The following ROBO2 variants were observed in gnomAD, a reference collection of about 807,000 sequenced individuals.
The protein encoded by ROBO2 is roundabout homolog 2.
A neutral mutation model predicts 160.8 loss-of-function variants in ROBO2; 53 were observed. The ratio of observed to expected loss-of-function variants is 0.33; its 90% CI spans 0.26 to 0.41. The LOEUF is 0.41. Among genes scored for constraint, ROBO2 ranks in the 10% least tolerant of loss-of-function variants. The pLI is 1.00. For missense variants in ROBO2, 1,577 were observed against 1,722.4 expected (o/e 0.92, Z 1.49); for synonymous variants, 664 against 611.7 (o/e 1.09, Z -1.26).
At chr3:76,351,529 T>C (rs1228256174) in intron 2 of ROBO2, among the ~76,000 whole-genome samples, 1 of 151,930 alleles carries the variant, frequency 6.6e-6, no homozygotes, top group African/African-American at 2.4e-5. Flanking sequence ...TGAATATATA[T>C]TTTTTCAACT....
chr3:76,268,861 G>A (rs1428320293), intron 2 of ROBO2, among the ~76,000 whole-genome samples: 1 of 152,100 alleles, frequency 6.6e-6, no homozygotes, highest in Non-Finnish European at 1.5e-5. Flanking sequence ...CTGAAATCAT[G>A]TATTGAGTAT....
chr3:76,620,438 C>A (rs1207057155), intron 2 of ROBO2, among the ~76,000 whole-genome samples: 1 of 151,996 alleles, frequency 6.6e-6, no homozygotes, highest in Non-Finnish European at 1.5e-5. Context: ...ATGGTATGTT[C>A]GAGGATGTAA....
intron 2 of ROBO2, among the ~76,000 whole-genome samples, chr3:76,353,557 G>A (rs1199471774): frequency 1.3e-5 from 2 of 151,838 alleles, no homozygotes; most frequent in Admixed American, 1.3e-4. Context: ...GGCCTGTTTG[G>A]TTCACCTAAG....
Position 77,546,388 on chromosome 3 carries a change from C to T in ROBO2, c.985C>T (p.Arg329Ter). The T allele has an allele frequency of 6.2e-7, 1 of 1,613,082 alleles. No individual in the cohort carries two copies. The highest frequency in any genetic ancestry group is 2.2e-5 in the East Asian group (1 of 44,840). Residue 329 changes from arginine to a stop codon, truncating the protein, a stop_gained, in exon 7 of 26, where the codon CGA (arginine) becomes TGA (stop). Coordinates refer to ENST00000461745, the Ensembl canonical transcript of ROBO2. LOFTEE classifies it high-confidence loss of function. Reference sequence around the variant, plus strand: ...AAGAGATCAGATTGTTGCTCAAGGTCGAACAGTGACATTTCCCTGTGAAAC... The same window carrying T: ...AAGAGATCAGATTGTTGCTCAAGGTTGAACAGTGACATTTCCCTGTGAAAC...
intron 2 of ROBO2, among the ~76,000 whole-genome samples, chr3:76,727,246 C>G (rs935661947): frequency 6.6e-6 from 1 of 152,050 alleles, no homozygotes; most frequent in African/African-American, 2.4e-5. Flanking sequence ...GATCTGGGCT[C>G]CAGTCTTGAG....
intron 2 of ROBO2, among the ~76,000 whole-genome samples, chr3:77,254,103 A>G (rs2090669181): frequency 1.3e-5 from 2 of 152,178 alleles, no homozygotes; most frequent in Non-Finnish European, 2.9e-5. Flanking sequence ...TATCTCTACA[A>G]AAATAAATAA....
chr3:77,618,473 G>T (rs1435481014), intron 22 of ROBO2, among the ~76,000 whole-genome samples: 1 of 151,988 alleles, frequency 6.6e-6, no homozygotes, highest in East Asian at 1.9e-4. Flanking sequence ...GTTTTATACA[G>T]GATTTTTGTT....
In ROBO2 at chr3:76,073,286, T is replaced by C. The variant is rs1392016416; in HGVS notation, c.109+135684T>C. Among the ~76,000 whole-genome samples the C allele has an allele frequency of 2.4e-4, 22 of 90,754 alleles. 1 individual carries two copies. Among genetic ancestry groups the C allele is most frequent in the East Asian group, 1.7e-3 (5 of 3,016 alleles). 59.5% of individuals were successfully genotyped at this position (90,754 alleles called of 152,430 possible). ...AGTATTCTTTTTTTTTTTTTTTTTT[T>C]TTTTTTTTTTTTTTTTTTTTTTTTT... On this transcript the variant is annotated intron_variant, in intron 2 of 26. Coordinates refer to the ROBO2 transcript ENST00000487694.
In ROBO2 at chr3:77,291,310, C is replaced by T. The variant is rs557018362; in HGVS notation, c.389-186104C>T. 5.0e-3 allele frequency among the ~76,000 whole-genome samples: 748 copies of T among 148,888 alleles called. 2 individuals are homozygous for T. Among genetic ancestry groups the T allele is most frequent in the Middle Eastern group, 0.022 (6 of 274 alleles). On this transcript the variant is annotated intron_variant, in intron 2 of 25. Transcript: ENST00000461745. ...ACATAAAGCAAAATTGACGGTTAAC[C>T]GGGAAGGCTGAGGCTAGATCACCCC...
intron 2 of ROBO2, among the ~76,000 whole-genome samples, chr3:76,549,688 G>A (rs976979364): frequency 1.3e-5 from 2 of 152,196 alleles, no homozygotes; most frequent in African/African-American, 4.8e-5. Context: ...CTTAGGGATA[G>A]TGGATTCAGT....
intron 2 of ROBO2, among the ~76,000 whole-genome samples, chr3:76,307,866 T>C (rs1191880018): frequency 6.6e-6 from 1 of 152,156 alleles, no homozygotes; most frequent in African/African-American, 2.4e-5. Flanking sequence ...GAGCATGTTA[T>C]CACTATTTGC....
At chr3:76,705,364 T>C (rs1435515692) in intron 2 of ROBO2, among the ~76,000 whole-genome samples, 1 of 152,134 alleles carries the variant, frequency 6.6e-6, no homozygotes, top group African/African-American at 2.4e-5. Context: ...TTAACAAGAT[T>C]TTAAAAGGAC....
chr3:77,617,965 C>T, intron 22 of ROBO2, 192 bp downstream of exon 23: 2 of 608,872 alleles, frequency 3.3e-6, no homozygotes, highest in South Asian at 4.0e-5. Flanking sequence ...AGAACTAGAA[C>T]TAGAACTAGA....
chr3:77,133,465 GA>G (rs1468324408), intron 2 of ROBO2, among the ~76,000 whole-genome samples: 2 of 152,084 alleles, frequency 1.3e-5, no homozygotes, highest in Non-Finnish European at 2.9e-5. Flanking sequence ...ACCATCAAAA[GA>G]AATCTTGACA....
intron 2 of ROBO2, among the ~76,000 whole-genome samples, chr3:77,316,558 G>A (rs78349474): frequency 0.013 from 1,909 of 152,166 alleles, 40 homozygotes; most frequent in African/African-American, 0.043. Context: ...ACTACTGAAA[G>A]GATCTTTTTT....
intron 15 of ROBO2, among the ~76,000 whole-genome samples, chr3:77,578,832 G>A (rs1050782502): frequency 1.3e-5 from 2 of 151,818 alleles, no homozygotes; most frequent in Non-Finnish European, 2.9e-5. Context: ...GTACCATTTG[G>A]CACTAAATAT....
At chr3:75,928,899 T>TGTGA (rs1947401763) in intron 1 of ROBO2, among the ~76,000 whole-genome samples, 5 of 112,662 alleles carry the variant, frequency 4.4e-5, no homozygotes, top group Admixed American at 2.7e-4. Flanking sequence ...TGTGTGTGTG[T>TGTGA]GTGATAGCTG....
At chr3:76,236,908 A>G (rs1296860840) in intron 2 of ROBO2, among the ~76,000 whole-genome samples, 1 of 152,046 alleles carries the variant, frequency 6.6e-6, no homozygotes, top group Non-Finnish European at 1.5e-5. Context: ...CCCCTAGTGT[A>G]TATAATGTTG....
chr3:77,119,522 G>T (rs1474277981), intron 2 of ROBO2, among the ~76,000 whole-genome samples: 3 of 152,114 alleles, frequency 2.0e-5, no homozygotes, highest in Admixed American at 2.0e-4. Flanking sequence ...CAACTTAGAA[G>T]AAAATATTTA....
Sources: allele counts gnomAD v4.1 joint callset (sites outside exome capture counted in the v4.1 genomes callset), GRCh38; gene constraint gnomAD v4.1.1; transcripts MANE v1.5; gene names NCBI Gene and HGNC (gene_info 2026-07-23, HGNC 2026-07-21).